The following CSMD1 variants were observed in gnomAD, a reference collection of about 807,000 sequenced individuals.
The protein encoded by CSMD1 is CUB and Sushi multiple domains 1.
A neutral mutation model predicts 417.5 loss-of-function variants in CSMD1; 213 were observed. That is an observed-to-expected ratio of 0.51 (90% confidence interval 0.46 to 0.57). The LOEUF is 0.57. Among genes scored for constraint, CSMD1 ranks in the 20% least tolerant of loss-of-function variants. The probability of loss-of-function intolerance (pLI) is 0.00; values close to 1 mark genes in which losing one functional copy is unlikely to be tolerated. For synonymous variants in CSMD1, 2,862 were observed against 1,736.8 expected (o/e 1.65, Z -16.11); for missense variants, 6,923 against 4,529.7 (o/e 1.53, Z -15.17).
At chr8:4,059,008 C>G (rs942517886) in intron 3 of CSMD1, among the ~76,000 whole-genome samples, 2 of 151,980 alleles carry the variant, frequency 1.3e-5, no homozygotes, top group African/African-American at 2.4e-5. Flanking sequence ...AGAACCACAC[C>G]ACACCTATTC....
At chr8:3,924,182 C>A (rs1383243626) in intron 5 of CSMD1, among the ~76,000 whole-genome samples, 1 of 152,122 alleles carries the variant, frequency 6.6e-6, no homozygotes, top group Non-Finnish European at 1.5e-5. Flanking sequence ...GTTGGCAGCT[C>A]TTTACTTTCA....
intron 3 of CSMD1, among the ~76,000 whole-genome samples, chr8:4,215,602 C>T (rs1160991365): frequency 6.6e-6 from 1 of 151,598 alleles, no homozygotes; most frequent in Non-Finnish European, 1.5e-5. Flanking sequence ...ATGAAATATG[C>T]AAAAACATGT....
At chr8:4,853,560 C>T (rs1801610020) in intron 1 of CSMD1, among the ~76,000 whole-genome samples, 1 of 152,210 alleles carries the variant, frequency 6.6e-6, no homozygotes, top group African/African-American at 2.4e-5. Flanking sequence ...AGGCAGAAGG[C>T]TGCCACAAAG....
At chr8:3,762,446 T>G (rs1798058730) in intron 5 of CSMD1, among the ~76,000 whole-genome samples, 1 of 152,164 alleles carries the variant, frequency 6.6e-6, no homozygotes, top group Non-Finnish European at 1.5e-5. Context: ...GCAGACATTT[T>G]CAAAATAGTA....
At position 4,212,015 on chromosome 8, in the gene CSMD1, T is replaced by C. The variant is rs901419824; in HGVS notation, c.416-179916A>G. ...ATAAAATAGCAGTTGAAACTTGCAT[T>C]TGTGCAGCTGTAATGCAATAAAAGG... On this transcript the variant is annotated intron_variant, in intron 3 of 69. Coordinates refer to ENST00000635120, the MANE Select transcript of CSMD1 (RefSeq NM_033225.6). Among the ~76,000 whole-genome samples the C allele has an allele frequency of 3.3e-5, 5 of 152,082 alleles. No individual in the cohort carries two copies. The East Asian group carries it at 9.6e-4, about 29-fold the overall frequency.
intron 14 of CSMD1, 144 bp from the exon 15 acceptor site, chr8:3,406,365 T>C (rs1232457929): frequency 5.1e-6 from 3 of 592,878 alleles, no homozygotes; most frequent in African/African-American, 1.9e-5. Flanking sequence ...CATTCATAGA[T>C]AGATAATACA....
intron 33 of CSMD1, among the ~76,000 whole-genome samples, chr8:3,192,314 T>C (rs1221398999): frequency 6.6e-6 from 1 of 152,250 alleles, no homozygotes; most frequent in Non-Finnish European, 1.5e-5. Flanking sequence ...GTTTCAGGTT[T>C]GGAATTCTTG....
intron 36 of CSMD1, 113 bp downstream of exon 36, chr8:3,187,756 T>C (rs1365506521): frequency 2.7e-6 from 2 of 739,652 alleles, no homozygotes; most frequent in Non-Finnish European, 4.7e-6. Context: ...ATTATGGAGA[T>C]AGAAGAATTG....
intron 54 of CSMD1, among the ~76,000 whole-genome samples, chr8:2,979,243 T>A (rs1805199246): frequency 6.6e-6 from 1 of 152,238 alleles, no homozygotes. Context: ...TGCTTTAATA[T>A]GTGTGCCTAA....
At position 3,558,316 on chromosome 8, in the gene CSMD1, A is replaced by G. The variant is rs73179103; in HGVS notation, c.1344+16629T>C. On this transcript the variant is annotated intron_variant, in intron 10 of 69. Transcript: ENST00000635120. Reference sequence around the variant, plus strand: ...ATGGAACTCCGTGTTCACTCCTCCAATGATGAATGATGCCTCAGTAGTACC... The same window carrying G: ...ATGGAACTCCGTGTTCACTCCTCCAGTGATGAATGATGCCTCAGTAGTACC... Among the ~76,000 whole-genome samples the G allele has an allele frequency of 1.9e-3, 252 of 135,230 alleles. 4 individuals carry two copies. The highest frequency in any genetic ancestry group is 2.0e-3 in the Non-Finnish European group (121 of 60,824). The allele number at this position is 135,230 out of a possible 152,430, so 88.7% of individuals were successfully genotyped here. A position where few individuals can be genotyped will look rare whatever the true frequency, so the allele number is the denominator to read the frequency against.
At chr8:4,041,373 A>C (rs1053622564) in intron 3 of CSMD1, among the ~76,000 whole-genome samples, 2 of 152,096 alleles carry the variant, frequency 1.3e-5, no homozygotes, top group South Asian at 2.1e-4. Flanking sequence ...TTTTCGCAAA[A>C]CTATGACAAG....
chr8:4,270,771 C>T (rs902731337), intron 3 of CSMD1, among the ~76,000 whole-genome samples: 2 of 152,106 alleles, frequency 1.3e-5, no homozygotes, highest in African/African-American at 2.4e-5. Flanking sequence ...CTGCACGGCA[C>T]CCCCCAGGGG....
At chr8:3,931,251 C>G (rs1214725393) in intron 5 of CSMD1, among the ~76,000 whole-genome samples, 1 of 150,416 alleles carries the variant, frequency 6.6e-6, no homozygotes, top group Non-Finnish European at 1.5e-5. Flanking sequence ...GTTAGTTTCT[C>G]AGAACGCTCT....
chr8:3,067,439 G>A (rs1160683676), intron 49 of CSMD1, among the ~76,000 whole-genome samples: 7 of 151,982 alleles, frequency 4.6e-5, no homozygotes, highest in Admixed American at 1.3e-4. Context: ...TTGGTTTACT[G>A]AAGCAAGTCC....
At chr8:4,403,424 C>A (rs1158670720) in intron 3 of CSMD1, among the ~76,000 whole-genome samples, 2 of 152,160 alleles carry the variant, frequency 1.3e-5, no homozygotes, top group African/African-American at 4.8e-5. Flanking sequence ...GTAAGAGTTT[C>A]ACACCTGCCA....
At chr8:3,780,716 C>T (rs767468030) in intron 5 of CSMD1, among the ~76,000 whole-genome samples, 1 of 152,194 alleles carries the variant, frequency 6.6e-6, no homozygotes, top group Non-Finnish European at 1.5e-5. Flanking sequence ...GTGAGAAATG[C>T]ACAGATGCTT....
chr8:4,689,273 C>T (rs1376238138), intron 1 of CSMD1, among the ~76,000 whole-genome samples: 1 of 152,178 alleles, frequency 6.6e-6, no homozygotes, highest in Non-Finnish European at 1.5e-5. Flanking sequence ...AGTTCACCAG[C>T]TCCCTAATTT....
At chr8:4,258,818 C>G (rs1246632463) in intron 3 of CSMD1, among the ~76,000 whole-genome samples, 1 of 152,072 alleles carries the variant, frequency 6.6e-6, no homozygotes, top group South Asian at 2.1e-4. Context: ...GGCACAGCAG[C>G]AGAAAGATCA....
chr8:4,716,015 G>C (rs1201280591), intron 1 of CSMD1, among the ~76,000 whole-genome samples: 3 of 152,166 alleles, frequency 2.0e-5, no homozygotes, highest in East Asian at 3.9e-4. Context: ...AGAGCACAGG[G>C]GCCAGGGCAG....
Sources: allele counts gnomAD v4.1 joint callset (sites outside exome capture counted in the v4.1 genomes callset), GRCh38; gene constraint gnomAD v4.1.1; transcripts MANE v1.5; gene names NCBI Gene and HGNC (gene_info 2026-07-23, HGNC 2026-07-21).